PHLPP1: variants seen among roughly 807,000 people sequenced by gnomAD.
PHLPP1 encodes PH domain and leucine rich repeat protein phosphatase 1.
PHLPP1 carries 42 observed loss-of-function variants against 117.2 expected under a neutral mutation model. The observed-to-expected ratio is 0.36, with a 90% CI of 0.28 to 0.46. The LOEUF is 0.46. PHLPP1 is among the 20% of genes least tolerant of loss of function. The probability of loss-of-function intolerance (pLI) is 1.00; values close to 1 mark genes in which losing one functional copy is unlikely to be tolerated. For synonymous variants in PHLPP1, 1,042 were observed against 970.7 expected (o/e 1.07, Z -1.37); for missense variants, 2,084 against 2,241.9 (o/e 0.93, Z 1.42).
chr18:62,783,703 T>C lies in PHLPP1; in HGVS notation c.1577-46332T>C, dbSNP rs865877155. ...TTTTTCTTGATGCATTTTTTTTTTT[T>C]CTCTTAGAATAGCTACCAGTTTATG... On this transcript the variant is annotated intron_variant, in intron 1 of 16. Coordinates refer to ENST00000262719, the MANE Select transcript of PHLPP1 (RefSeq NM_194449.4). Among the ~76,000 whole-genome samples the C allele has an allele frequency of 1.0e-4, 15 of 143,102 alleles. No homozygotes were observed. In the South Asian group the frequency reaches 2.7e-3, roughly 26 times the overall value. The allele number at this position is 143,102 out of a possible 152,430, so 93.9% of individuals were successfully genotyped here. A position where few individuals can be genotyped will look rare whatever the true frequency, so the allele number is the denominator to read the frequency against.
chr18:62,720,983 G>A (rs71352589), intron 1 of PHLPP1, among the ~76,000 whole-genome samples: 5,283 of 152,246 alleles, frequency 0.035, 137 homozygotes, highest in Middle Eastern at 0.061. Context: ...TCGGGAGGGC[G>A]GAGAATAGAG....
chr18:62,838,046 C>T (rs377471930), intron 2 of PHLPP1: 14 of 151,652 alleles, frequency 9.2e-5, no homozygotes, highest in East Asian at 5.8e-4. Context: ...AAAAGATACA[C>T]GAGTTCAATT....
chr18:62,812,049 C>T (rs981223095), intron 1 of PHLPP1, among the ~76,000 whole-genome samples: 3 of 152,156 alleles, frequency 2.0e-5, no homozygotes, highest in African/African-American at 7.2e-5. Flanking sequence ...TATAACCCAA[C>T]CTCCTAGTTA....
chr18:62,750,458 T>C lies in PHLPP1; in HGVS notation c.1576+33199T>C, dbSNP rs188921165. Among the ~76,000 whole-genome samples, 11 of 152,286 alleles carry C rather than the reference T, an allele frequency of 7.2e-5. No individual in the cohort carries two copies. In the East Asian group the frequency reaches 7.7e-4, roughly 11 times the overall value. On this transcript the variant is annotated intron_variant, in intron 1 of 16. Coordinates refer to ENST00000262719, the MANE Select transcript of PHLPP1 (RefSeq NM_194449.4). The stretch of plus-strand genomic sequence containing the variant: ...ACTTGTTGCTCTGTGATTACTAATA[T>C]AGCCACTCTCTTTTACGTAGGAGAA...
chr18:62,773,131 G>C (rs1297849416), intron 1 of PHLPP1, among the ~76,000 whole-genome samples: 1 of 152,138 alleles, frequency 6.6e-6, no homozygotes, highest in African/African-American at 2.4e-5. Flanking sequence ...ACCCTAGGCT[G>C]CTGGAGTTTT....
chr18:62,978,300 C>A lies in PHLPP1; in HGVS notation c.4023C>A (p.Ile1341=). The change falls in exon 17 of 17, where the codon ATC becomes ATA. Residue 1341 remains isoleucine (I), a synonymous_variant. Transcript: ENST00000262719. The surrounding 1 kb of genome is among the most constrained non-coding windows in gnomAD (Gnocchi z 7.0). ...KVNGVTESTR[I]LGYTFLHPSV... ...ACGGAGTGACTGAGTCCACGCGCAT[C>A]CTGGGCTACACCTTCCTCCATCCCA... is the stretch of plus-strand genomic sequence containing the variant. 1 of 1,612,134 alleles carries A rather than the reference C, an allele frequency of 6.2e-7. No individual in the cohort carries two copies. The highest frequency in any genetic ancestry group is 1.1e-5 in the South Asian group (1 of 90,844).
At chr18:62,842,405 T>G (rs1915077487) in intron 3 of PHLPP1, among the ~76,000 whole-genome samples, 1 of 151,944 alleles carries the variant, frequency 6.6e-6, no homozygotes, top group Admixed American at 6.6e-5. Context: ...GCTCTGTCGC[T>G]GAGCCTGGAG....
intron 12 of PHLPP1, among the ~76,000 whole-genome samples, chr18:62,958,309 G>A (rs907396211): frequency 6.6e-6 from 1 of 152,146 alleles, no homozygotes; most frequent in African/African-American, 2.4e-5. Context: ...GAGATTTTGT[G>A]AGCAATAAGA....
At chr18:62,976,212 G>C (rs1911181564) in intron 16 of PHLPP1, among the ~76,000 whole-genome samples, 1 of 152,156 alleles carries the variant, frequency 6.6e-6, no homozygotes, top group Admixed American at 6.5e-5. Context: ...GGTCATCACA[G>C]CTGGGGCGGA....
At chr18:62,852,456 G>T (rs191227042) in intron 3 of PHLPP1, among the ~76,000 whole-genome samples, 4 of 152,060 alleles carry the variant, frequency 2.6e-5, no homozygotes, top group Admixed American at 6.6e-5. Context: ...CCATTCTCCT[G>T]CCTCAGCCTC....
At chr18:62,906,398 G>A (rs977411131) in intron 8 of PHLPP1, 1 of 151,004 alleles carries the variant, frequency 6.6e-6, no homozygotes, top group Non-Finnish European at 1.5e-5. Flanking sequence ...GAGGTACCGG[G>A]TTCATCTCAC....
At chr18:62,963,259 G>C in intron 13 of PHLPP1, 109 bp from the exon 14 acceptor site, 1 of 669,932 alleles carries the variant, frequency 1.5e-6, no homozygotes, top group Non-Finnish European at 2.6e-6. Context: ...GTAAGAAATG[G>C]TAAGTACAGA....
Position 62,716,019 on chromosome 18 carries a change from C to T in PHLPP1, c.336C>T (p.Ala112=). 5 of 1,388,440 alleles carry T rather than the reference C, an allele frequency of 3.6e-6. No individual in the cohort carries two copies. Among genetic ancestry groups the T allele is most frequent in the Non-Finnish European group, 3.7e-6 (4 of 1,080,124 alleles). 86.0% of individuals were successfully genotyped at this position (1,388,440 alleles called of 1,614,324 possible). A position where few individuals can be genotyped will look rare whatever the true frequency, so the allele number is the denominator to read the frequency against. The change falls in exon 1 of 17, where the codon GCC becomes GCT. Residue 112 remains alanine (A), a synonymous_variant. Coordinates refer to ENST00000262719, the MANE Select transcript of PHLPP1 (RefSeq NM_194449.4). This position sits in a 1 kb window ranked among gnomAD's most constrained non-coding sequence, Gnocchi z 5.7. ...GCGGGGCTGCCCCCGTACCCGGGGC[C>T]GGCGGCGGCGCCAACTCCCTCCTGC... ...IAGGAAPVPG[A]GGGANSLLLR... is the part of the protein sequence containing the mutation.
chr18:62,844,195 G>A (rs1301226786), intron 3 of PHLPP1, among the ~76,000 whole-genome samples: 2 of 151,972 alleles, frequency 1.3e-5, no homozygotes, highest in Non-Finnish European at 2.9e-5. Flanking sequence ...AAATTAGCTG[G>A]GCATGATGGT....
At chr18:62,737,921 G>A (rs1911414619) in intron 1 of PHLPP1, among the ~76,000 whole-genome samples, 1 of 152,138 alleles carries the variant, frequency 6.6e-6, no homozygotes, top group African/African-American at 2.4e-5. Flanking sequence ...GGGAAGGGCA[G>A]TTCAGGATTT....
At chr18:62,865,659 A>T (rs951157561) in intron 4 of PHLPP1, among the ~76,000 whole-genome samples, 2 of 152,224 alleles carry the variant, frequency 1.3e-5, no homozygotes, top group East Asian at 3.8e-4. Context: ...GATAGGCTGG[A>T]TAAAGAAATG....
chr18:62,786,202 G>A (rs1913279016), intron 1 of PHLPP1, among the ~76,000 whole-genome samples: 1 of 152,208 alleles, frequency 6.6e-6, no homozygotes, highest in Admixed American at 6.5e-5. Flanking sequence ...GTTCCTTGCA[G>A]TGTAAGGAGT....
intron 4 of PHLPP1, among the ~76,000 whole-genome samples, chr18:62,866,980 C>T (rs1212515607): frequency 6.6e-6 from 1 of 152,242 alleles, no homozygotes; most frequent in African/African-American, 2.4e-5. Flanking sequence ...TTTCCCTCTG[C>T]AGGTTAGCCC....
chr18:62,870,050 G>A (rs1052714285), intron 4 of PHLPP1, among the ~76,000 whole-genome samples: 2 of 152,052 alleles, frequency 1.3e-5, no homozygotes, highest in Non-Finnish European at 2.9e-5. Flanking sequence ...GCGCCAACAC[G>A]CCTGGCTAAT....
Sources: gnomAD v4.1 joint callset for allele counts (sites outside exome capture counted in the v4.1 genomes callset) on GRCh38, gnomAD v4.1.1 for gene constraint, Gnocchi (gnomAD v3.1) non-coding constraint, MANE v1.5 for transcripts, NCBI Gene and HGNC (gene_info 2026-07-23, HGNC 2026-07-21) for gene names.